LRRC73: variants seen among roughly 807,000 people sequenced by gnomAD.
The protein encoded by LRRC73 is leucine rich repeat containing 73, also known as leucine-rich repeat-containing protein 73.
Under a neutral mutation model 26.4 loss-of-function variants are expected in LRRC73, and 16 were observed. The observed-to-expected ratio is 0.61, with a 90% CI of 0.41 to 0.92. LRRC73 has a LOEUF of 0.92. Among genes scored for constraint, LRRC73 ranks in the 40% least tolerant of loss-of-function variants. The probability of loss-of-function intolerance (pLI) is 0.00; values close to 1 mark genes in which losing one functional copy is unlikely to be tolerated. For missense variants in LRRC73, 344 were observed against 416.3 expected, an observed-to-expected ratio of 0.83 and a Z score of 1.51; for synonymous variants, 210 against 179.8, an observed-to-expected ratio of 1.17 and a Z score of -1.34.
At chr6:43,507,735 C>G (rs1561849441) in intron 4 of LRRC73, 57 bp from the exon 5 acceptor site, 6 of 1,587,990 alleles carry the variant, frequency 3.8e-6, no homozygotes, top group Non-Finnish European at 5.2e-6. Context: ...GTCCTCAGAC[C>G]TCAACCTGCC....
intron 1 of LRRC73, 59 bp downstream of exon 1, chr6:43,509,455 C>G: frequency 6.5e-7 from 1 of 1,539,230 alleles, no homozygotes; most frequent in Non-Finnish European, 8.8e-7. Context: ...CAGGAGGTGC[C>G]AGGGGAGTGT....
Position 43,509,505 on chromosome 6 carries a change from C to A in LRRC73, c.272+9G>T. 1 of 1,594,296 alleles carries A rather than the reference C, an allele frequency of 6.3e-7. No individual in the cohort carries two copies. The highest frequency in any genetic ancestry group is 8.6e-7 in the Non-Finnish European group (1 of 1,169,116). On this transcript the variant is annotated intron_variant, in intron 1 of 5. Transcript: ENST00000372441. ...TGCCCGGGACCCCCTTGCGAGGGGG[C>A]GCACTCACAAGAGGGACTGGATGGA...
At chr6:43,508,468 C>T (rs1407646845) in intron 2 of LRRC73, 48 bp from the exon 3 acceptor site, 21 of 1,610,702 alleles carry the variant, frequency 1.3e-5, no homozygotes, top group Non-Finnish European at 1.8e-5. Flanking sequence ...GTTAAGCCCT[C>T]CTCCAGCCCT....
exon 1 of LRRC73, chr6:43,510,329 C>T (rs1247803691): frequency 6.6e-6 from 1 of 152,566 alleles, no homozygotes; most frequent in Non-Finnish European, 1.5e-5. Context: ...GGCGGCAGCT[C>T]CGGCTCCAGC....
intron 1 of LRRC73, 55 bp downstream of exon 1, chr6:43,509,459 G>A (rs1334728797): frequency 1.2e-5 from 19 of 1,545,378 alleles, no homozygotes; most frequent in Admixed American, 3.8e-5. Context: ...AGGTGCCAGG[G>A]GAGTGTATGG....
chr6:43,507,944 G>C lies in LRRC73; in HGVS notation c.557-18C>G, dbSNP rs368524395. The C allele has an allele frequency of 2.5e-6, 4 of 1,604,808 alleles. No homozygotes were observed. The highest frequency in any genetic ancestry group is 3.4e-6 in the Non-Finnish European group (4 of 1,172,312). On this transcript the variant is annotated intron_variant, in intron 3 of 5. Transcript: ENST00000372441. ...ATGGTCACCTGGGGAGACAACACAC[G>C]TGCACACATTCATACACATGCCTGC...
intron 1 of LRRC73, 100 bp downstream of exon 1, chr6:43,509,414 G>C (rs1792598995): frequency 7.2e-7 from 1 of 1,380,740 alleles, no homozygotes; most frequent in African/African-American, 1.4e-5. Flanking sequence ...GCATGTGAAG[G>C]TAGGATGGTA....
intron 4 of LRRC73, 71 bp from the exon 5 acceptor site, chr6:43,507,749 C>T (rs1164560249): frequency 1.3e-6 from 2 of 1,586,602 alleles, no homozygotes; most frequent in African/African-American, 1.3e-5. Flanking sequence ...ACCTGCCATG[C>T]CTTAGGTATG....
exon 6 of LRRC73, chr6:43,507,274 T>G: frequency 6.2e-7 from 1 of 1,613,912 alleles, no homozygotes; most frequent in Non-Finnish European, 8.5e-7. Flanking sequence ...TGTCCCCTAG[T>G]CCTGACGTCA....
At chr6:43,510,335 C>G (rs1448026700) in exon 1 of LRRC73, 1 of 152,456 alleles carries the variant, frequency 6.6e-6, no homozygotes, top group Admixed American at 6.5e-5. Flanking sequence ...AGCTCCGGCT[C>G]CAGCTCCAGA....
chr6:43,509,056 A>G, intron 1 of LRRC73, 136 bp from the exon 2 acceptor site: 1 of 907,954 alleles, frequency 1.1e-6, no homozygotes, highest in Non-Finnish European at 1.6e-6. Context: ...AAGGAGAAGG[A>G]AAGTTCTAGA....
exon 2 of LRRC73, chr6:43,508,790 C>T: frequency 6.2e-7 from 1 of 1,612,638 alleles, no homozygotes; most frequent in Non-Finnish European, 8.5e-7. Context: ...GGCAGGAGGC[C>T]ACAGATGAGG....
chr6:43,508,495 G>T, intron 2 of LRRC73, 75 bp from the exon 3 acceptor site: 3 of 1,599,936 alleles, frequency 1.9e-6, no homozygotes, highest in Non-Finnish European at 2.6e-6. Flanking sequence ...CAATCCCTGT[G>T]TCTCTGGGGT....
rs191715499 is a variant in LRRC73 at position 43,508,063 on chromosome 6, G to A, written c.557-137C>T. The A allele has an allele frequency of 2.5e-4, 245 of 973,104 alleles. No homozygotes were observed. The African/African-American group carries it at 3.5e-3, about 14-fold the overall frequency. The allele number at this position is 973,104 out of a possible 1,614,324, so 60.3% of individuals were successfully genotyped here. A position where few individuals can be genotyped will look rare whatever the true frequency, so the allele number is the denominator to read the frequency against. The stretch of plus-strand genomic sequence containing the variant: ...GGACAATTGGTGGTGGTCAGGAAGG[G>A]ATCATTGTGATTGGTGAGTGAAGGC... On this transcript the variant is annotated intron_variant, in intron 3 of 5. Coordinates refer to ENST00000372441, the Ensembl canonical transcript of LRRC73.
chr6:43,508,146 C>G (rs999139903), intron 3 of LRRC73, 152 bp downstream of exon 3: 1 of 1,236,744 alleles, frequency 8.1e-7, no homozygotes, highest in Non-Finnish European at 1.1e-6. Context: ...TGTTGGTCAC[C>G]TGGTCCGCCA....
chr6:43,508,742 C>A lies in LRRC73; in HGVS notation c.433+18G>T, dbSNP rs932941364. On this transcript the variant is annotated intron_variant, in intron 2 of 5. Coordinates refer to ENST00000372441, the Ensembl canonical transcript of LRRC73. Reference sequence around the variant, plus strand: ...TCACTGCCACACTAGCCCAAGCCCTCAACAGGGTCCTGCTCACCAGATTTG... The same window carrying A: ...TCACTGCCACACTAGCCCAAGCCCTAAACAGGGTCCTGCTCACCAGATTTG... 1.9e-6 allele frequency: 3 copies of A among 1,589,524 alleles called. No individual in the cohort carries two copies. The highest frequency in any genetic ancestry group is 3.5e-5 in the Admixed American group (2 of 57,568).
chr6:43,509,651 A>G, exon 1 of LRRC73: 1 of 1,599,278 alleles, frequency 6.3e-7, no homozygotes, highest in Non-Finnish European at 8.5e-7. Flanking sequence ...AGATGCGGCC[A>G]AAGTCGCGGT....
exon 5 of LRRC73, chr6:43,507,482 C>T: frequency 6.2e-7 from 1 of 1,613,110 alleles, no homozygotes; most frequent in African/African-American, 1.3e-5. Context: ...GGAGCTGCTG[C>T]CTCTCTGGTG....
At chr6:43,509,546 A>G (rs1353532044) in exon 1 of LRRC73, 1 of 1,609,782 alleles carries the variant, frequency 6.2e-7, no homozygotes, top group Admixed American at 1.7e-5. Context: ...TGGTCCGCAG[A>G]GCCTCAGCCA....
Sources: allele counts gnomAD v4.1 joint callset, GRCh38; gene constraint gnomAD v4.1.1; transcripts MANE v1.5; gene names NCBI Gene and HGNC (gene_info 2026-07-23, HGNC 2026-07-21).